The following RAD21 variants were observed in gnomAD, a reference collection of about 807,000 sequenced individuals.
RAD21 encodes double-strand-break repair protein rad21 homolog.
Under a neutral mutation model 71.5 loss-of-function variants are expected in RAD21, and 18 were observed. That is an observed-to-expected ratio of 0.25 (90% CI 0.17 to 0.37). RAD21 has a LOEUF of 0.37. Ranked by LOEUF, RAD21 falls within the 10% of genes least tolerant of loss-of-function variation. The pLI is 1.00. For missense variants in RAD21, 493 were observed against 769.1 expected (o/e 0.64, Z 4.25); for synonymous variants, 248 against 254.0 (o/e 0.98, Z 0.22).
At position 116,866,207 on chromosome 8, in the gene RAD21, T is replaced by C. The variant is rs566184553; in HGVS notation, c.144+379A>G. On this transcript the variant is annotated intron_variant, in intron 2 of 13. Transcript: ENST00000297338. ...TCATATAATATGTAGCCTTTTTAGA[T>C]TGGCTTATTATACTAAGTAATACGC... Among the ~76,000 whole-genome samples the C allele has an allele frequency of 2.0e-5, 3 of 152,048 alleles. No homozygotes were observed. In the South Asian group the frequency reaches 6.2e-4, roughly 32 times the overall value.
chr8:116,866,537 A>G (rs749379808), intron 2 of RAD21, 49 bp downstream of exon 2: 9 of 1,537,384 alleles, frequency 5.9e-6, no homozygotes, highest in Non-Finnish European at 7.9e-6. Flanking sequence ...TATTTCACAT[A>G]TCAATAAACA....
chr8:116,858,755 G>A (rs1221232364), intron 4 of RAD21, among the ~76,000 whole-genome samples: 1 of 152,040 alleles, frequency 6.6e-6, no homozygotes, highest in East Asian at 1.9e-4. Context: ...AGATAGGCAT[G>A]GGTTTTCATT....
intron 4 of RAD21, among the ~76,000 whole-genome samples, chr8:116,858,687 T>C (rs1001164606): frequency 7.2e-5 from 11 of 152,116 alleles, no homozygotes; most frequent in Non-Finnish European, 1.5e-4. Flanking sequence ...GCAAATACAA[T>C]GTAATATGCA....
At chr8:116,853,711 C>T (rs1033821383) in intron 9 of RAD21, among the ~76,000 whole-genome samples, 1 of 152,090 alleles carries the variant, frequency 6.6e-6, no homozygotes, top group Non-Finnish European at 1.5e-5. Context: ...AGGTTCTGTG[C>T]ATATCTCAAC....
At chr8:116,848,749 C>T in intron 13 of RAD21, 197 bp downstream of exon 13, 11 of 430,482 alleles carry the variant, frequency 2.6e-5, no homozygotes. Flanking sequence ...TTAATTAAAA[C>T]TTAAACTATA....
In RAD21 at chr8:116,852,123, CAT is replaced by C; in HGVS notation, c.1322-29_1322-28del. The C allele has an allele frequency of 3.8e-6, 6 of 1,581,150 alleles. No individual in the cohort carries two copies. In the South Asian group the frequency reaches 5.6e-5, roughly 15 times the overall value. On this transcript the variant is annotated intron_variant, in intron 10 of 13. Transcript: ENST00000297338. ...TGCAATTGGTCATATGAAGAGAAAA[CAT>C]AGGTCATACAGTTTTGAACAGTATT...
chr8:116,852,378 A>G, intron 10 of RAD21, 171 bp downstream of exon 10: 1 of 756,364 alleles, frequency 1.3e-6, no homozygotes, highest in South Asian at 2.3e-5. Flanking sequence ...AACTCTGGAA[A>G]GACAGGAGGC....
At chr8:116,861,715 T>C in intron 4 of RAD21, 126 bp downstream of exon 4, 1 of 598,250 alleles carries the variant, frequency 1.7e-6, no homozygotes, top group South Asian at 2.1e-5. Flanking sequence ...TACTATCCTA[T>C]ATAAATATAT....
intron 1 of RAD21, among the ~76,000 whole-genome samples, chr8:116,870,368 T>TA (rs16889101): frequency 9.9e-5 from 15 of 151,924 alleles, no homozygotes; most frequent in South Asian, 2.1e-4. Context: ...GTTTATTTTT[T>TA]AAAAAAAAGA....
intron 10 of RAD21, 99 bp downstream of exon 10, chr8:116,852,450 C>A: frequency 3.9e-6 from 5 of 1,290,540 alleles, no homozygotes; most frequent in Non-Finnish European, 5.3e-6. Flanking sequence ...TTGAGTATAT[C>A]TTTGATTCCT....
chr8:116,872,828 TA>T (rs1269955739), intron 1 of RAD21, among the ~76,000 whole-genome samples: 1 of 152,216 alleles, frequency 6.6e-6, no homozygotes, highest in Non-Finnish European at 1.5e-5. Flanking sequence ...AAGATATTTC[TA>T]ACCCTGCACA....
intron 5 of RAD21, 88 bp from the exon 6 acceptor site, chr8:116,857,561 T>C (rs968370591): frequency 1.6e-5 from 17 of 1,081,796 alleles, no homozygotes; most frequent in Admixed American, 7.1e-5. Flanking sequence ...ATTCTAATTA[T>C]GTCACATTTG....
chr8:116,867,413 A>G (rs189776024), intron 1 of RAD21, among the ~76,000 whole-genome samples: 4 of 152,348 alleles, frequency 2.6e-5, no homozygotes, highest in Non-Finnish European at 1.5e-5. Flanking sequence ...ATCAGGGACA[A>G]TGGTACAGCA....
At chr8:116,874,211 G>C (rs949430697) in intron 1 of RAD21, 6 of 151,542 alleles carry the variant, frequency 4.0e-5, no homozygotes. Flanking sequence ...TTTACCCGCG[G>C]AGTAGGCGGC....
intron 9 of RAD21, among the ~76,000 whole-genome samples, chr8:116,853,473 G>A (rs548309373): frequency 3.9e-5 from 6 of 152,104 alleles, no homozygotes; most frequent in African/African-American, 1.4e-4. Context: ...AAACTGTAAA[G>A]AACAATGTAA....
chr8:116,850,837 A>G (rs1812334820), intron 11 of RAD21, 70 bp from the exon 12 acceptor site: 1 of 1,101,730 alleles, frequency 9.1e-7, no homozygotes, highest in Non-Finnish European at 1.3e-6. Flanking sequence ...ATATGAAAAT[A>G]CACAGTGGCT....
intron 2 of RAD21, among the ~76,000 whole-genome samples, chr8:116,865,726 C>T (rs1812676020): frequency 6.6e-6 from 1 of 152,092 alleles, no homozygotes; most frequent in South Asian, 2.1e-4. Context: ...GCCTTCTAGG[C>T]TTTCCTGTGT....
intron 12 of RAD21, among the ~76,000 whole-genome samples, chr8:116,850,348 G>A (rs1011152992): frequency 9.2e-5 from 14 of 152,132 alleles, no homozygotes; most frequent in African/African-American, 3.1e-4. Context: ...GCAGCTACAC[G>A]CAATTTAGAA....
intron 1 of RAD21, among the ~76,000 whole-genome samples, chr8:116,873,680 A>T (rs1440424991): frequency 6.6e-6 from 1 of 152,128 alleles, no homozygotes; most frequent in African/African-American, 2.4e-5. Flanking sequence ...AGAGTGACCA[A>T]GTAAATCCCC....
Sources: allele counts gnomAD v4.1 joint callset (sites outside exome capture counted in the v4.1 genomes callset), GRCh38; gene constraint gnomAD v4.1.1; transcripts MANE v1.5; gene names NCBI Gene and HGNC (gene_info 2026-07-23, HGNC 2026-07-21).